MAT2B: variants seen among roughly 807,000 people sequenced by gnomAD.
The protein encoded by MAT2B is methionine adenosyltransferase 2 non-catalytic beta subunit.
MAT2B carries 16 observed loss-of-function variants against 36.1 expected under a neutral mutation model. That is an observed-to-expected ratio of 0.44 (90% CI 0.30 to 0.67). MAT2B has a LOEUF of 0.67. Ranked by LOEUF, MAT2B falls within the 30% of genes least tolerant of loss-of-function variation. The probability of loss-of-function intolerance (pLI) is 0.09; values close to 1 mark genes in which losing one functional copy is unlikely to be tolerated. For synonymous variants in MAT2B, 148 were observed against 136.9 expected (o/e 1.08, Z -0.57); for missense variants, 332 against 398.2 (o/e 0.83, Z 1.42).
At position 163,513,536 on chromosome 5, in the gene MAT2B, G is replaced by A. The variant is rs751025963; in HGVS notation, c.259-19G>A. On this transcript the variant is annotated intron_variant, in intron 2 of 6. Coordinates refer to ENST00000321757, the MANE Select transcript of MAT2B (RefSeq NM_013283.5). ...TCATTTTATTTTGAGTTAAAAATAC[G>A]TCAATGCTTAACTTCTAGCCCCATG... The A allele has an allele frequency of 4.2e-5, 58 of 1,394,146 alleles. No individual in the cohort carries two copies. In the Middle Eastern group the frequency reaches 7.1e-4, roughly 17 times the overall value. The allele number at this position is 1,394,146 out of a possible 1,614,324, so 86.4% of individuals were successfully genotyped here.
rs898886146 is a variant in MAT2B, at chr5:163,514,340, T to C, written c.526+346T>C. On this transcript the variant is annotated intron_variant, in intron 4 of 6. Coordinates refer to ENST00000321757, the MANE Select transcript of MAT2B (RefSeq NM_013283.5). ...CTGTTATATGTATGTTACTGTGTTA[T>C]ATGTGTATGTATTTTGTTTTTATGT... Among the ~76,000 whole-genome samples, 5 of 152,234 alleles carry C rather than the reference T, an allele frequency of 3.3e-5. No individual in the cohort carries two copies. The East Asian group carries it at 7.7e-4, about 23-fold the overall frequency.
At chr5:163,515,529 CTT>C (rs943843493) in intron 4 of MAT2B, among the ~76,000 whole-genome samples, 1 of 152,104 alleles carries the variant, frequency 6.6e-6, no homozygotes, top group Non-Finnish European at 1.5e-5. Flanking sequence ...CATTTGGAAA[CTT>C]AACATTAATA....
At chr5:163,516,376 C>T (rs1760133429) in intron 4 of MAT2B, 142 bp from the exon 5 acceptor site, 1 of 672,006 alleles carries the variant, frequency 1.5e-6, no homozygotes, top group Non-Finnish European at 2.5e-6. Context: ...TGCGTTGTCA[C>T]AAGTGAGCTG....
At chr5:163,503,783 C>T (rs746368439), upstream of MAT2B, among the ~76,000 whole-genome samples, 46 of 152,200 alleles carry the variant, frequency 3.0e-4, no homozygotes, top group Non-Finnish European at 6.5e-4. Flanking sequence ...AATCTGCTAA[C>T]ATAACTTTTA....
chr5:163,512,971 G>A (rs1000914662), intron 2 of MAT2B: 6 of 217,436 alleles, frequency 2.8e-5, no homozygotes, highest in African/African-American at 7.2e-5. Context: ...TTGAGCCACC[G>A]CGCCCAGCCT....
At chr5:163,503,493 C>A, upstream of MAT2B, 1 of 1,408,342 alleles carries the variant, frequency 7.1e-7, no homozygotes, top group Non-Finnish European at 1.0e-6. Flanking sequence ...TTCCAGTGAA[C>A]GCCTGCTAAA....
chr5:163,518,524 C>CT lies in MAT2B; in HGVS notation c.*162dup, dbSNP rs1760169984. ...GCACTAGTGAAATTGTCTAAAGAAACTAAAGGGCAGTCATGCCCTGTTTGC... is the reference window on the plus strand; with the variant it reads ...GCACTAGTGAAATTGTCTAAAGAAACTTAAAGGGCAGTCATGCCCTGTTTGC... On this transcript the variant is annotated 3_prime_UTR_variant, in exon 7 of 7. Transcript: ENST00000321757. 1.8e-6 allele frequency: 1 copy of CT among 557,312 alleles called. No homozygotes were observed. The highest frequency in any genetic ancestry group is 2.0e-5 in the African/African-American group (1 of 51,192). 34.5% of individuals were successfully genotyped at this position (557,312 alleles called of 1,614,324 possible).
chr5:163,512,236 T>G, intron 2 of MAT2B, 40 bp downstream of exon 2: 1 of 1,490,898 alleles, frequency 6.7e-7, no homozygotes, highest in Non-Finnish European at 9.4e-7. Context: ...TGAACAATAT[T>G]AAGAGTTGTC....
chr5:163,511,969 T>C (rs755404688), intron 1 of MAT2B, 33 bp from the exon 2 acceptor site: 4 of 1,517,582 alleles, frequency 2.6e-6, no homozygotes, highest in Non-Finnish European at 1.8e-6. Context: ...TTTTCAAAGT[T>C]AGTAACTCTT....
At chr5:163,503,602 C>G (rs535946797), upstream of MAT2B, among the ~76,000 whole-genome samples, 2 of 152,174 alleles carry the variant, frequency 1.3e-5, no homozygotes, top group Non-Finnish European at 2.9e-5. Flanking sequence ...TAGTTACTGA[C>G]CCGGAGAACC....
In MAT2B at chr5:163,509,434, G is replaced by A. The variant is rs557177112; in HGVS notation, c.64-2568G>A. Among the ~76,000 whole-genome samples, 4 of 152,226 alleles carry A rather than the reference G, an allele frequency of 2.6e-5. No individual in the cohort carries two copies. The South Asian group carries it at 8.3e-4, about 32-fold the overall frequency. ...GAGAGTACACTGGTCCTCTAAGTGCGGTCTCCAAATCACGATGATCAGCAT... is the reference window on the plus strand; with the variant it reads ...GAGAGTACACTGGTCCTCTAAGTGCAGTCTCCAAATCACGATGATCAGCAT... On this transcript the variant is annotated intron_variant, in intron 1 of 6. Transcript: ENST00000321757.
chr5:163,514,021 A>G, intron 4 of MAT2B, 27 bp downstream of exon 4: 1 of 1,573,752 alleles, frequency 6.4e-7, no homozygotes, highest in Non-Finnish European at 8.6e-7. Context: ...TTAGCCCCTG[A>G]TTGTTTTTGA....
At position 163,505,680 on chromosome 5, in the gene MAT2B, G is replaced by C. The variant is rs1398951977; in HGVS notation, c.-7G>C. 7.8e-7 allele frequency: 1 copy of C among 1,282,408 alleles called. No individual in the cohort carries two copies. The highest frequency in any genetic ancestry group is 9.9e-7 in the Non-Finnish European group (1 of 1,007,262). 79.4% of individuals were successfully genotyped at this position (1,282,408 alleles called of 1,614,324 possible). A position where few individuals can be genotyped will look rare whatever the true frequency, so the allele number is the denominator to read the frequency against. ...GCCGCTGAGGCTGCGGCGTGAAGAC[G>C]GCGGGCATGGTGGGGCGGGAGAAAG... On this transcript the variant is annotated 5_prime_UTR_variant, in exon 1 of 7. Transcript: ENST00000321757.
chr5:163,514,519 ATGC>A (rs1760100175), intron 4 of MAT2B, among the ~76,000 whole-genome samples: 1 of 152,250 alleles, frequency 6.6e-6, no homozygotes, highest in East Asian at 1.9e-4. Context: ...GTTCTCATAA[ATGC>A]TGCCTCAGGG....
At chr5:163,515,153 A>G (rs2113560224) in intron 4 of MAT2B, among the ~76,000 whole-genome samples, 1 of 152,326 alleles carries the variant, frequency 6.6e-6, no homozygotes, top group East Asian at 1.9e-4. Context: ...TGCTTCGTGG[A>G]TTAAGTTTCA....
chr5:163,514,035 C>T, intron 4 of MAT2B, 41 bp downstream of exon 4: 1 of 1,538,340 alleles, frequency 6.5e-7, no homozygotes, highest in African/African-American at 1.4e-5. Flanking sequence ...TTTTTGAAGA[C>T]TTTAAAAATC....
upstream of MAT2B, among the ~76,000 whole-genome samples, chr5:163,503,819 ATAG>A (rs1353082061): frequency 6.6e-6 from 1 of 152,216 alleles, no homozygotes; most frequent in Admixed American, 6.5e-5. Flanking sequence ...CTTTAAATGT[ATAG>A]ACTTAGCCAC....
upstream of MAT2B, chr5:163,505,593 G>A: frequency 2.4e-6 from 3 of 1,248,104 alleles, no homozygotes; most frequent in South Asian, 1.2e-4. Flanking sequence ...TGGGCCTAGG[G>A]GAGGCGGGCC....
At chr5:163,510,694 G>C (rs2113554269) in intron 1 of MAT2B, among the ~76,000 whole-genome samples, 1 of 152,202 alleles carries the variant, frequency 6.6e-6, no homozygotes, top group Admixed American at 6.5e-5. Context: ...ACTGCACCTG[G>C]CCAATTTTAA....
Sources: gnomAD v4.1 joint callset for allele counts (sites outside exome capture counted in the v4.1 genomes callset) on GRCh38, gnomAD v4.1.1 for gene constraint, MANE v1.5 for transcripts, NCBI Gene and HGNC (gene_info 2026-07-23, HGNC 2026-07-21) for gene names.